Variants in SORCS3 observed in about 807,000 individuals in gnomAD.
SORCS3 encodes the protein VPS10 domain-containing receptor SorCS3.
In SORCS3, 57 loss-of-function variants were observed where a neutral mutation model predicts 146.3. That is an observed-to-expected ratio of 0.39 (90% CI 0.31 to 0.49). The LOEUF (loss-of-function observed/expected upper bound fraction) is 0.49, where lower values mean the gene tolerates loss of function less well. Among genes scored for constraint, SORCS3 ranks in the 20% least tolerant of loss-of-function variants. The pLI is 0.92. For missense variants in SORCS3, 1,341 were observed against 1,575.5 expected (o/e 0.85, Z 2.52); for synonymous variants, 653 against 618.5 (o/e 1.06, Z -0.83).
chr10:104,920,798 C>T (rs774070117), intron 3 of SORCS3, among the ~76,000 whole-genome samples: 6 of 152,140 alleles, frequency 3.9e-5, no homozygotes, highest in Non-Finnish European at 5.9e-5. Context: ...ATGAAATGCA[C>T]GAAGCTGCTT....
intron 1 of SORCS3, among the ~76,000 whole-genome samples, chr10:104,735,731 T>C (rs1469140737): frequency 6.6e-6 from 1 of 152,062 alleles, no homozygotes; most frequent in Admixed American, 6.5e-5. Flanking sequence ...GCTTTGGGGA[T>C]GAGCATTCCG....
At chr10:105,240,960 ATATC>A (rs2056818879) in intron 20 of SORCS3, among the ~76,000 whole-genome samples, 3 of 150,876 alleles carry the variant, frequency 2.0e-5, no homozygotes, top group Admixed American at 6.6e-5. Flanking sequence ...ATATATATAT[ATATC>A]TATATCTATA....
chr10:105,253,698 T>A (rs761805376), intron 23 of SORCS3, among the ~76,000 whole-genome samples: 5 of 152,232 alleles, frequency 3.3e-5, no homozygotes, highest in Admixed American at 2.0e-4. Context: ...GTAATCATTG[T>A]ACAGACATAT....
intron 4 of SORCS3, among the ~76,000 whole-genome samples, chr10:105,019,545 C>G (rs141507180): frequency 1.2e-4 from 19 of 152,202 alleles, no homozygotes; most frequent in African/African-American, 4.3e-4. Context: ...TCAAGTGCCA[C>G]TTTTCCATGA....
At chr10:104,821,707 T>C (rs1051146025) in intron 1 of SORCS3, among the ~76,000 whole-genome samples, 1 of 152,194 alleles carries the variant, frequency 6.6e-6, no homozygotes, top group Non-Finnish European at 1.5e-5. Flanking sequence ...TTTTCTCTTC[T>C]ATTCTGGGGT....
chr10:104,972,239 A>G (rs990476928), intron 3 of SORCS3, among the ~76,000 whole-genome samples: 10 of 152,202 alleles, frequency 6.6e-5, no homozygotes, highest in African/African-American at 2.2e-4. Context: ...GGATATTATC[A>G]GAGTCAGGTT....
chr10:104,909,365 G>A (rs902607143), intron 2 of SORCS3, among the ~76,000 whole-genome samples: 2 of 152,092 alleles, frequency 1.3e-5, no homozygotes, highest in African/African-American at 2.4e-5. Flanking sequence ...AAAGGAATGA[G>A]CCAAACATGG....
intron 2 of SORCS3, among the ~76,000 whole-genome samples, chr10:104,860,422 G>A: frequency 7.4e-6 from 1 of 134,368 alleles, no homozygotes; most frequent in African/African-American, 2.8e-5. Flanking sequence ...ACTGTTGTGA[G>A]GTGGGGGGAG....
rs988345182 is a variant in SORCS3, at chr10:104,678,884, C to T, written c.627+36930C>T. ...GCCCAAGCCAAACAAGAGAATCATT[C>T]ACTGAGGGAAAGCAGGACAGGGAAG... On this transcript the variant is annotated intron_variant, in intron 1 of 26. Coordinates refer to ENST00000369701, the MANE Select transcript of SORCS3 (RefSeq NM_014978.3). Among the ~76,000 whole-genome samples, 5 of 152,246 alleles carry T rather than the reference C, an allele frequency of 3.3e-5. No homozygotes were observed. In the East Asian group the frequency reaches 9.7e-4, roughly 29 times the overall value.
intron 18 of SORCS3, among the ~76,000 whole-genome samples, chr10:105,216,535 G>A (rs1009340960): frequency 2.0e-5 from 3 of 152,154 alleles, no homozygotes; most frequent in Admixed American, 6.5e-5. Context: ...GAGACTGCTT[G>A]CTTGGCACTA....
intron 7 of SORCS3, among the ~76,000 whole-genome samples, chr10:105,112,978 G>A (rs533349273): frequency 1.3e-5 from 2 of 152,314 alleles, no homozygotes; most frequent in Non-Finnish European, 2.9e-5. Context: ...AAACAAAGGA[G>A]ACCAGCCTTT....
intron 4 of SORCS3, among the ~76,000 whole-genome samples, chr10:105,014,017 G>A (rs1180725829): frequency 6.7e-6 from 1 of 148,876 alleles, no homozygotes; most frequent in East Asian, 1.9e-4. Context: ...ACAGGCATGG[G>A]AAAATTGACA....
In SORCS3 at chr10:104,803,512, A is replaced by G. The variant is rs1180625203; in HGVS notation, c.628-39280A>G. 1.3e-5 allele frequency among the ~76,000 whole-genome samples: 2 copies of G among 152,152 alleles called. 1 individual carries two copies. Among genetic ancestry groups the G allele is most frequent in the Admixed American group, 1.3e-4 (2 of 15,282 alleles). Reference sequence around the variant, plus strand: ...CACCTTGATTTTACCTGTATTATGCATTGGGTTTTCACATAACTTTCCCTT... The same window carrying G: ...CACCTTGATTTTACCTGTATTATGCGTTGGGTTTTCACATAACTTTCCCTT... On this transcript the variant is annotated intron_variant, in intron 1 of 26. Transcript: ENST00000369701.
intron 1 of SORCS3, among the ~76,000 whole-genome samples, chr10:104,659,906 AC>A (rs1419322727): frequency 1.3e-5 from 2 of 152,030 alleles, no homozygotes; most frequent in Non-Finnish European, 2.9e-5. Context: ...AGGAAACTGC[AC>A]CCTCCAACAT....
At chr10:104,781,849 T>C (rs1298923442) in intron 1 of SORCS3, among the ~76,000 whole-genome samples, 1 of 152,256 alleles carries the variant, frequency 6.6e-6, no homozygotes, top group African/African-American at 2.4e-5. Flanking sequence ...CTTCCTGCTC[T>C]TCAGCTCTGG....
At chr10:104,642,347 C>G (rs945610862) in intron 1 of SORCS3, among the ~76,000 whole-genome samples, 3 of 151,998 alleles carry the variant, frequency 2.0e-5, no homozygotes, top group Non-Finnish European at 2.9e-5. Flanking sequence ...CTGAACAGAC[C>G]GATTCCTGCG....
chr10:104,929,604 A>G (rs544966943), intron 3 of SORCS3, among the ~76,000 whole-genome samples: 10 of 152,334 alleles, frequency 6.6e-5, no homozygotes, highest in Admixed American at 5.2e-4. Context: ...AGCCCTAGAC[A>G]GCCCTCAGCA....
At chr10:105,239,944 A>G (rs2056813407) in intron 20 of SORCS3, among the ~76,000 whole-genome samples, 1 of 152,202 alleles carries the variant, frequency 6.6e-6, no homozygotes, top group African/African-American at 2.4e-5. Context: ...AGCAATTTGG[A>G]AAACAAAATT....
At chr10:104,994,938 C>T (rs1181212368) in intron 4 of SORCS3, among the ~76,000 whole-genome samples, 1 of 152,102 alleles carries the variant, frequency 6.6e-6, no homozygotes, top group Non-Finnish European at 1.5e-5. Flanking sequence ...CTTGATTTCT[C>T]TTGGGCAAAT....
Sources: allele counts gnomAD v4.1 joint callset (sites outside exome capture counted in the v4.1 genomes callset), GRCh38; gene constraint gnomAD v4.1.1; transcripts MANE v1.5; gene names NCBI Gene and HGNC (gene_info 2026-07-23, HGNC 2026-07-21).